Variants in SLC24A3 observed in about 807,000 individuals in gnomAD.
SLC24A3 encodes sodium/potassium/calcium exchanger 3.
Under a neutral mutation model 75.8 loss-of-function variants are expected in SLC24A3, and 28 were observed. The ratio of observed to expected loss-of-function variants is 0.37; its 90% CI spans 0.27 to 0.51. The LOEUF is 0.51. SLC24A3 is among the 20% of genes least tolerant of loss of function. SLC24A3 has a pLI of 0.94. For missense variants in SLC24A3, 663 were observed against 847.8 expected (o/e 0.78, Z 2.71); for synonymous variants, 372 against 334.1 (o/e 1.11, Z -1.24).
At chr20:19,300,628 C>T (rs1258940682) in intron 2 of SLC24A3, among the ~76,000 whole-genome samples, 2 of 152,158 alleles carry the variant, frequency 1.3e-5, no homozygotes, top group African/African-American at 4.8e-5. Flanking sequence ...AAAGAACTTC[C>T]GGGGCTCATA....
intron 11 of SLC24A3, 60 bp downstream of exon 11, chr20:19,684,396 G>C: frequency 6.5e-7 from 1 of 1,533,646 alleles, no homozygotes; most frequent in Non-Finnish European, 8.8e-7. Context: ...CTGGGAAGGA[G>C]AGAAGGTTTC....
At chr20:19,697,822 G>A (rs1220452290) in intron 14 of SLC24A3, among the ~76,000 whole-genome samples, 1 of 152,184 alleles carries the variant, frequency 6.6e-6, no homozygotes, top group South Asian at 2.1e-4. Context: ...GTGAGCTCGG[G>A]AGTCACTTTC....
At chr20:19,342,662 T>C (rs906960797) in intron 2 of SLC24A3, among the ~76,000 whole-genome samples, 17 of 152,242 alleles carry the variant, frequency 1.1e-4, no homozygotes, top group African/African-American at 2.9e-4. Flanking sequence ...TCTTTTTATT[T>C]TCATCTTTGT....
At chr20:19,487,630 A>G (rs963844680) in intron 2 of SLC24A3, among the ~76,000 whole-genome samples, 1 of 152,212 alleles carries the variant, frequency 6.6e-6, no homozygotes, top group Non-Finnish European at 1.5e-5. Context: ...TTGCACAATA[A>G]TATCAGTACT....
intron 2 of SLC24A3, among the ~76,000 whole-genome samples, chr20:19,397,156 A>G (rs1986468485): frequency 1.3e-5 from 2 of 152,216 alleles, no homozygotes; most frequent in South Asian, 2.1e-4. Flanking sequence ...ATGTAAACAT[A>G]TCATACCCAC....
chr20:19,283,148 A>G (rs1305538882), intron 2 of SLC24A3: 1 of 152,660 alleles, frequency 6.6e-6, no homozygotes, highest in Non-Finnish European at 1.5e-5. Context: ...CCTGCAGACC[A>G]AAAGAACCGG....
At chr20:19,493,353 A>C (rs1988234464) in intron 2 of SLC24A3, among the ~76,000 whole-genome samples, 1 of 152,214 alleles carries the variant, frequency 6.6e-6, no homozygotes, top group African/African-American at 2.4e-5. Context: ...TCAGTGATGT[A>C]TTTTTAAAAA....
chr20:19,547,236 C>T (rs1302755541), intron 3 of SLC24A3, among the ~76,000 whole-genome samples: 1 of 152,142 alleles, frequency 6.6e-6, no homozygotes, highest in Non-Finnish European at 1.5e-5. Context: ...TGTAACACAC[C>T]ATGAATGTCC....
At chr20:19,443,575 G>GTTA (rs1987329899) in intron 2 of SLC24A3, among the ~76,000 whole-genome samples, 1 of 152,074 alleles carries the variant, frequency 6.6e-6, no homozygotes, top group African/African-American at 2.4e-5. Flanking sequence ...TGTTGTTGTT[G>GTTA]ATTCTTTGGA....
intron 2 of SLC24A3, among the ~76,000 whole-genome samples, chr20:19,327,440 A>G (rs1984890414): frequency 6.6e-6 from 1 of 152,242 alleles, no homozygotes; most frequent in Admixed American, 6.5e-5. Flanking sequence ...GACTCTTGCC[A>G]GAATAAACAA....
intron 2 of SLC24A3, among the ~76,000 whole-genome samples, chr20:19,373,722 G>A (rs1173341178): frequency 1.3e-5 from 2 of 152,164 alleles, no homozygotes; most frequent in African/African-American, 4.8e-5. Flanking sequence ...TGTAGGTGAG[G>A]GGAGAAATTT....
At chr20:19,541,584 C>T (rs2030498714) in intron 3 of SLC24A3, among the ~76,000 whole-genome samples, 1 of 152,232 alleles carries the variant, frequency 6.6e-6, no homozygotes, top group Non-Finnish European at 1.5e-5. Flanking sequence ...AATCCCAAAT[C>T]CCTAGCATCT....
intron 3 of SLC24A3, among the ~76,000 whole-genome samples, chr20:19,565,409 G>A (rs1366100146): frequency 2.6e-5 from 2 of 76,534 alleles, no homozygotes; most frequent in Non-Finnish European, 7.0e-5. Flanking sequence ...TTCTCGGGGG[G>A]TGGGGGGTCA....
chr20:19,639,250 T>C (rs1406226876), intron 6 of SLC24A3, among the ~76,000 whole-genome samples: 2 of 152,064 alleles, frequency 1.3e-5, no homozygotes, highest in East Asian at 3.9e-4. Flanking sequence ...TGTCAATTGG[T>C]GCATTCACAA....
At chr20:19,562,267 T>A (rs1157389003) in intron 3 of SLC24A3, among the ~76,000 whole-genome samples, 1 of 152,024 alleles carries the variant, frequency 6.6e-6, no homozygotes, top group East Asian at 1.9e-4. Context: ...TGAGAATATC[T>A]CACATTGTTC....
chr20:19,641,353 C>T (rs936084185), intron 6 of SLC24A3, among the ~76,000 whole-genome samples: 1 of 152,196 alleles, frequency 6.6e-6, no homozygotes, highest in Non-Finnish European at 1.5e-5. Flanking sequence ...TAAAATTAAA[C>T]CCAGCAATTC....
At chr20:19,430,022 C>T (rs1401426961) in intron 2 of SLC24A3, among the ~76,000 whole-genome samples, 1 of 152,128 alleles carries the variant, frequency 6.6e-6, no homozygotes, top group African/African-American at 2.4e-5. Flanking sequence ...ACAAAGGCAT[C>T]TCTGGGGAAG....
chr20:19,369,717 A>G (rs1335277221), intron 2 of SLC24A3, among the ~76,000 whole-genome samples: 1 of 152,194 alleles, frequency 6.6e-6, no homozygotes, highest in African/African-American at 2.4e-5. Context: ...TGATTATGAA[A>G]TAGAATGTCC....
intron 5 of SLC24A3, 116 bp from the exon 6 acceptor site, chr20:19,585,325 T>A (rs1024136911): frequency 9.8e-7 from 1 of 1,020,782 alleles, no homozygotes; most frequent in African/African-American, 1.6e-5. Context: ...TCTCCACCCC[T>A]CAGCTGTTTC....
Sources: gnomAD v4.1 joint callset for allele counts (sites outside exome capture counted in the v4.1 genomes callset) on GRCh38, gnomAD v4.1.1 for gene constraint, MANE v1.5 for transcripts, NCBI Gene and HGNC (gene_info 2026-07-23, HGNC 2026-07-21) for gene names.